ZNF133: variants seen among roughly 807,000 people sequenced by gnomAD.
ZNF133 encodes zinc finger protein 133 (clone pHZ-13).
ZNF133 carries 26 observed loss-of-function variants against 54.9 expected under a neutral mutation model. That is an observed-to-expected ratio of 0.47 (90% CI 0.35 to 0.66). ZNF133 has a LOEUF of 0.66. Among genes scored for constraint, ZNF133 ranks in the 30% least tolerant of loss-of-function variants. The probability of loss-of-function intolerance (pLI) is 0.01; values close to 1 mark genes in which losing one functional copy is unlikely to be tolerated. For synonymous variants in ZNF133, 298 were observed against 320.3 expected (o/e 0.93, Z 0.74); for missense variants, 653 against 820.8 (o/e 0.80, Z 2.50).
rs753851964 is a variant in ZNF133 at position 18,316,555 on chromosome 20, C to T, written c.1704C>T (p.His568=). ...GFGNKSALIT[H]KRAHSEEKPC... The stretch of plus-strand genomic sequence containing the variant: ...GCAATAAGTCAGCTCTAATTACACA[C>T]AAGCGGGCTCACTCGGAAGAGAAGC... The change falls in exon 7 of 7, where the codon CAC becomes CAT. Residue 568 remains histidine, a synonymous_variant. Transcript: ENST00000425686. 6.2e-7 allele frequency: 1 copy of T among 1,614,038 alleles called. No individual in the cohort carries two copies. Among genetic ancestry groups the T allele is most frequent in the Non-Finnish European group, 8.5e-7 (1 of 1,179,994 alleles).
intron 6 of ZNF133, among the ~76,000 whole-genome samples, chr20:18,311,339 GAA>G (rs2045896720): frequency 6.6e-6 from 1 of 152,114 alleles, no homozygotes; most frequent in African/African-American, 2.4e-5. Flanking sequence ...AAAAAATAAA[GAA>G]TGAGAAATTG....
At position 18,306,373 on chromosome 20, in the gene ZNF133, G is replaced by A. The variant is rs773259170; in HGVS notation, c.197G>A (p.Cys66Tyr). ...GKETWREEKK[C>Y]SPATCPADPE... ...GAGACCTGGAGAGAGGAAAAAAAAT[G>A]TTCACCGGCAACCTGTCCAGGTGAG... Residue 66 changes from cysteine to tyrosine, a missense_variant, in exon 6 of 7, where the codon TGT becomes TAT. This residue lies in a region of ZNF133 where 227 missense variants were observed against 233.9 expected (regional missense o/e 0.97). Transcript: ENST00000425686. 1 of 1,613,670 alleles carries A rather than the reference G, an allele frequency of 6.2e-7. No homozygotes were observed. The highest frequency in any genetic ancestry group is 1.7e-5 in the Admixed American group (1 of 59,914).
intron 6 of ZNF133, among the ~76,000 whole-genome samples, chr20:18,311,572 T>G (rs1015771431): frequency 2.0e-5 from 3 of 152,190 alleles, no homozygotes; most frequent in African/African-American, 7.2e-5. Context: ...GTATTTAAAG[T>G]TTTAAGTTTC....
At chr20:18,302,212 C>A (rs1439604933) in intron 3 of ZNF133, among the ~76,000 whole-genome samples, 1 of 151,944 alleles carries the variant, frequency 6.6e-6, no homozygotes, top group African/African-American at 2.4e-5. Context: ...ACCAGCCTGG[C>A]CAGCATGGTG....
chr20:18,293,179 G>A lies in ZNF133; in HGVS notation c.-432+4575G>A, dbSNP rs537456028. ...CTGAGTGGCTTAGGAGAGCAACTAT[G>A]TTTTAATCTCCCACAGTTCTTTGGG... On this transcript the variant is annotated intron_variant, in intron 1 of 6. Coordinates refer to ENST00000425686, the MANE Select transcript of ZNF133 (RefSeq NM_001352452.2). 8.5e-5 allele frequency among the ~76,000 whole-genome samples: 13 copies of A among 152,364 alleles called. No homozygotes were observed. The South Asian group carries it at 2.3e-3, about 27-fold the overall frequency.
In ZNF133 at chr20:18,305,036, GA is replaced by G; in HGVS notation, c.-145del. On this transcript the variant is annotated 5_prime_UTR_variant, in exon 4 of 7. The change creates a premature stop within an existing upstream ORF in the 5' untranslated region. Coordinates refer to ENST00000425686, the MANE Select transcript of ZNF133 (RefSeq NM_001352452.2). The surrounding 1 kb of genome is among the most constrained non-coding windows in gnomAD (Gnocchi z 4.7). The stretch of plus-strand genomic sequence containing the variant: ...GTCCTCCATTTGGAAGTAGTGCTAA[GA>G]AAATTAAAAGAATAAAACTGGGCAG... The G allele has an allele frequency of 2.0e-6, 2 of 985,400 alleles. No individual in the cohort carries two copies. Among genetic ancestry groups the G allele is most frequent in the Non-Finnish European group, 2.4e-6 (2 of 829,960 alleles). The allele number at this position is 985,400 out of a possible 1,614,324, so 61.0% of individuals were successfully genotyped here.
rs8113952 is a variant in ZNF133, at chr20:18,304,727, G to A, written c.-177-281G>A. 4.2e-3 allele frequency among the ~76,000 whole-genome samples: 642 copies of A among 151,982 alleles called. 5 individuals carry two copies. Among genetic ancestry groups the A allele is most frequent in the African/African-American group, 0.015 (599 of 41,274 alleles). On this transcript the variant is annotated intron_variant, in intron 3 of 6. Coordinates refer to ENST00000425686, the MANE Select transcript of ZNF133 (RefSeq NM_001352452.2). ...AAAATGGTCACTACCAGGATCTAGC[G>A]GGAGGAAAGAATGGGAAGTTATTGT...
At chr20:18,302,318 G>T (rs796623260) in intron 3 of ZNF133, among the ~76,000 whole-genome samples, 1 of 151,214 alleles carries the variant, frequency 6.6e-6, no homozygotes. Flanking sequence ...CAGGAGAATT[G>T]CTTGGACCCA....
chr20:18,306,877 C>T, intron 6 of ZNF133: 1 of 772,058 alleles, frequency 1.3e-6, no homozygotes, highest in Non-Finnish European at 1.6e-6. Context: ...TATATAATAT[C>T]CTTAATTTTG....
At chr20:18,301,042 C>T (rs2043263710) in intron 3 of ZNF133, among the ~76,000 whole-genome samples, 1 of 152,072 alleles carries the variant, frequency 6.6e-6, no homozygotes, top group Non-Finnish European at 1.5e-5. Flanking sequence ...GCAGGATAGA[C>T]TAAATGTTAG....
chr20:18,299,940 A>G (rs2043029981), intron 3 of ZNF133, among the ~76,000 whole-genome samples: 1 of 152,190 alleles, frequency 6.6e-6, no homozygotes, highest in South Asian at 2.1e-4. Flanking sequence ...CCTACAAGAA[A>G]TATTAACAAG....
intron 1 of ZNF133, among the ~76,000 whole-genome samples, chr20:18,293,633 A>T (rs2041573983): frequency 6.6e-6 from 1 of 152,260 alleles, no homozygotes; most frequent in South Asian, 2.1e-4. Context: ...ATTGTGTTAT[A>T]ACCCATAGGA....
intron 6 of ZNF133, chr20:18,306,693 GTT>G (rs1352217972): frequency 2.2e-6 from 3 of 1,338,520 alleles, no homozygotes; most frequent in Non-Finnish European, 3.0e-6. Flanking sequence ...TCTTGTTACT[GTT>G]TTTTAAAAAG....
rs189690468 is a variant in ZNF133, at chr20:18,291,024, G to A, written c.-432+2420G>A. On this transcript the variant is annotated intron_variant, in intron 1 of 6. Transcript: ENST00000425686. ...CACCAATAATCCCAGCTATTCAGGA[G>A]GCTGAGGCAGGAGAATCTGTCGCCT... Among the ~76,000 whole-genome samples, 195 of 152,292 alleles carry A rather than the reference G, an allele frequency of 1.3e-3. 2 individuals are homozygous for A. The highest frequency in any genetic ancestry group is 4.6e-3 in the African/African-American group (190 of 41,558).
At chr20:18,293,409 A>G (rs939902092) in intron 1 of ZNF133, among the ~76,000 whole-genome samples, 2 of 152,208 alleles carry the variant, frequency 1.3e-5, no homozygotes, top group Non-Finnish European at 2.9e-5. Context: ...CTCTCCAGGT[A>G]GTGTAAGGGC....
intron 1 of ZNF133, among the ~76,000 whole-genome samples, chr20:18,292,575 C>G (rs2041296604): frequency 6.6e-6 from 1 of 152,184 alleles, no homozygotes; most frequent in African/African-American, 2.4e-5. Context: ...ATCACCCTAT[C>G]TAAAATTCTA....
At position 18,298,459 on chromosome 20, in the gene ZNF133, T is replaced by C. The variant is rs901785056; in HGVS notation, c.-183T>C. The stretch of plus-strand genomic sequence containing the variant: ...TCCAGTTCCCAGGGGGAAGGAAGCA[T>C]GGAGGGTAAGTCACAGCTAATTTTA... On this transcript the variant is annotated 5_prime_UTR_variant, in exon 3 of 7. The change abolishes an upstream ATG in the 5' untranslated region. Transcript: ENST00000425686. 4 of 489,480 alleles carry C rather than the reference T, an allele frequency of 8.2e-6. No individual in the cohort carries two copies. Among genetic ancestry groups the C allele is most frequent in the African/African-American group, 2.1e-5 (1 of 48,040 alleles). 30.3% of individuals were successfully genotyped at this position (489,480 alleles called of 1,614,324 possible). A position where few individuals can be genotyped will look rare whatever the true frequency, so the allele number is the denominator to read the frequency against.
rs1453695282 is a variant in ZNF133, at chr20:18,305,598, C to T, written c.-6-83C>T. The T allele has an allele frequency of 3.1e-6, 5 of 1,597,538 alleles. No homozygotes were observed. On this transcript the variant is annotated intron_variant, in intron 4 of 6. Coordinates refer to ENST00000425686, the MANE Select transcript of ZNF133 (RefSeq NM_001352452.2). This position sits in a 1 kb window ranked among gnomAD's most constrained non-coding sequence, Gnocchi z 4.7. ...GATCTTGATATCTCACCTGCCTCCC[C>T]CAGGGCAGCCTTATCCCTGCCCCTC...
intron 6 of ZNF133, among the ~76,000 whole-genome samples, chr20:18,312,220 A>G (rs1378808099): frequency 6.6e-6 from 1 of 152,214 alleles, no homozygotes; most frequent in Non-Finnish European, 1.5e-5. Context: ...CTGTCACATG[A>G]GATCAGCTGT....
Sources: allele counts gnomAD v4.1 joint callset (sites outside exome capture counted in the v4.1 genomes callset), GRCh38; gene constraint gnomAD v4.1.1; regional missense constraint gnomAD v4.1.1; non-coding constraint Gnocchi (gnomAD v3.1); transcripts MANE v1.5; gene names NCBI Gene and HGNC (gene_info 2026-07-23, HGNC 2026-07-21).